Variants in HYCC2 observed in about 807,000 individuals in gnomAD.
HYCC2 encodes the protein hyccin 2.
chr2:201,009,491 ACT>A, the HYCC2 span: 1 of 158,090 alleles, frequency 6.3e-6, no homozygotes, highest in South Asian at 1.8e-4. Flanking sequence ...ACAGAGTCTC[ACT>A]CTGTCTCCCA....
the HYCC2 span, among the ~76,000 whole-genome samples, chr2:200,991,910 A>C: frequency 6.1e-5 from 9 of 148,606 alleles, no homozygotes; most frequent in Non-Finnish European, 1.3e-4. Flanking sequence ...CAAAATCCTA[A>C]TGGCTTAGAA....
chr2:201,019,015 A>G, the HYCC2 span, among the ~76,000 whole-genome samples: 8 of 152,208 alleles, frequency 5.3e-5, no homozygotes, highest in African/African-American at 1.9e-4. Flanking sequence ...ATCACAAAAC[A>G]GTGTATTCTA....
the HYCC2 span, among the ~76,000 whole-genome samples, chr2:200,983,280 A>T: frequency 2.6e-5 from 4 of 152,258 alleles, no homozygotes; most frequent in African/African-American, 9.6e-5. Context: ...CAAAACAGAT[A>T]TCAACATTAC....
At chr2:201,062,664 A>C in the HYCC2 span, among the ~76,000 whole-genome samples, 23 of 150,600 alleles carry the variant, frequency 1.5e-4, no homozygotes, top group African/African-American at 5.6e-4. Context: ...AAAAAAAAAA[A>C]AACATTAGCC....
At chr2:201,001,212 A>T in the HYCC2 span, among the ~76,000 whole-genome samples, 1 of 151,736 alleles carries the variant, frequency 6.6e-6, no homozygotes, top group Non-Finnish European at 1.5e-5. Context: ...CCTACATTTG[A>T]TTATCTAGAA....
the HYCC2 span, among the ~76,000 whole-genome samples, chr2:201,045,250 A>G: frequency 2.0e-5 from 3 of 152,238 alleles, no homozygotes; most frequent in Non-Finnish European, 4.4e-5. Context: ...GGATAATGCA[A>G]TTATGCTGAG....
At chr2:200,973,928 T>C in the HYCC2 span, 2 of 152,140 alleles carry the variant, frequency 1.3e-5, no homozygotes, top group African/African-American at 4.8e-5. Flanking sequence ...CTGGCAGATA[T>C]TTACAAGGTC....
At chr2:201,028,538 G>A in the HYCC2 span, among the ~76,000 whole-genome samples, 1 of 152,140 alleles carries the variant, frequency 6.6e-6, no homozygotes, top group Non-Finnish European at 1.5e-5. Context: ...AAAGCTGGAG[G>A]CATCACACTA....
At chr2:200,974,948 A>C in the HYCC2 span, 1 of 151,918 alleles carries the variant, frequency 6.6e-6, no homozygotes, top group African/African-American at 2.4e-5. Flanking sequence ...TGCCCTTTAA[A>C]ATAGGTACAT....
chr2:200,989,115 T>C, the HYCC2 span, among the ~76,000 whole-genome samples: 2 of 152,350 alleles, frequency 1.3e-5, no homozygotes, highest in East Asian at 3.9e-4. Context: ...AAAATACTTG[T>C]TCCCCATCTA....
the HYCC2 span, among the ~76,000 whole-genome samples, chr2:201,059,736 T>C: frequency 2.6e-5 from 4 of 152,100 alleles, no homozygotes; most frequent in Non-Finnish European, 5.9e-5. Context: ...GTCAAAGACC[T>C]GTGTGCAGGT....
At chr2:201,007,683 C>G in the HYCC2 span, among the ~76,000 whole-genome samples, 2 of 152,180 alleles carry the variant, frequency 1.3e-5, no homozygotes, top group East Asian at 1.9e-4. Flanking sequence ...CTGACCACAT[C>G]TGACTTTCTT....
the HYCC2 span, among the ~76,000 whole-genome samples, chr2:200,999,855 C>T: frequency 2.7e-5 from 4 of 147,738 alleles, no homozygotes; most frequent in South Asian, 4.3e-4. Flanking sequence ...GTCAGGAGTT[C>T]GAGACCAGCC....
the HYCC2 span, among the ~76,000 whole-genome samples, chr2:201,033,111 G>T: frequency 6.9e-6 from 1 of 145,946 alleles, no homozygotes; most frequent in African/African-American, 2.5e-5. Context: ...GTTCTCTAAA[G>T]AACATAAACT....
chr2:200,994,079 G>A, the HYCC2 span, among the ~76,000 whole-genome samples: 2 of 152,148 alleles, frequency 1.3e-5, no homozygotes, highest in South Asian at 2.1e-4. Flanking sequence ...AGGAATAAAT[G>A]TAATGTTAGA....
At chr2:201,027,250 T>C in the HYCC2 span, among the ~76,000 whole-genome samples, 4 of 152,034 alleles carry the variant, frequency 2.6e-5, no homozygotes, top group East Asian at 1.9e-4. Context: ...TACACCCTCC[T>C]GAGACTAAAC....
chr2:201,069,507 C>CT, the HYCC2 span, among the ~76,000 whole-genome samples: 3 of 151,340 alleles, frequency 2.0e-5, no homozygotes, highest in Admixed American at 2.0e-4. Flanking sequence ...CATTAGTTCT[C>CT]TAAGACAGCT....
the HYCC2 span, among the ~76,000 whole-genome samples, chr2:201,033,651 G>A: frequency 3.3e-5 from 5 of 151,782 alleles, no homozygotes; most frequent in African/African-American, 7.3e-5. Context: ...TGATCTGCCC[G>A]CCTCGGCCTC....
the HYCC2 span, among the ~76,000 whole-genome samples, chr2:200,991,183 A>C: frequency 6.6e-6 from 1 of 152,192 alleles, no homozygotes; most frequent in Non-Finnish European, 1.5e-5. Flanking sequence ...TAAAAACGTG[A>C]TGGAGGCCAG....
Sources: allele counts gnomAD v4.1 joint callset (sites outside exome capture counted in the v4.1 genomes callset), GRCh38; gene constraint gnomAD v4.1.1; transcripts MANE v1.5; gene names NCBI Gene and HGNC (gene_info 2026-07-23, HGNC 2026-07-21).